The following LHFPL3 variants were observed in gnomAD, a reference collection of about 807,000 sequenced individuals.
The protein encoded by LHFPL3 is LHFPL tetraspan subfamily member 3 protein.
Under a neutral mutation model 19.3 loss-of-function variants are expected in LHFPL3, and 5 were observed. That is an observed-to-expected ratio of 0.26 (90% confidence interval 0.14 to 0.54). LHFPL3 has a LOEUF of 0.54. Among genes scored for constraint, LHFPL3 ranks in the 20% least tolerant of loss-of-function variants. The pLI, the probability that LHFPL3 is intolerant of heterozygous loss-of-function variation, is 0.94. For synonymous variants in LHFPL3, 133 were observed against 126.2 expected (o/e 1.05, Z -0.36); for missense variants, 249 against 307.4 (o/e 0.81, Z 1.42).
intron 1 of LHFPL3, among the ~76,000 whole-genome samples, chr7:104,495,094 T>C (rs1404720036): frequency 6.6e-6 from 1 of 152,218 alleles, no homozygotes; most frequent in Non-Finnish European, 1.5e-5. Context: ...TCTCTACTTC[T>C]TTCTCTCCTA....
At position 104,604,469 on chromosome 7, in the gene LHFPL3, C is replaced by G. The variant is rs568714484; in HGVS notation, c.446-132206C>G. Among the ~76,000 whole-genome samples the G allele has an allele frequency of 7.9e-5, 12 of 152,332 alleles. No homozygotes were observed. In the East Asian group the frequency reaches 1.9e-3, roughly 24 times the overall value. ...TCCCATTGTCCTGTAGCACCTGGCT[C>G]CCTTCTGCTCATCTCCTTAGCGGAT... On this transcript the variant is annotated intron_variant, in intron 1 of 2. Coordinates refer to ENST00000424859, the MANE Select transcript of LHFPL3 (RefSeq NM_199000.3).
chr7:104,724,075 G>A (rs75809507), intron 1 of LHFPL3, among the ~76,000 whole-genome samples: 5,306 of 152,236 alleles, frequency 0.035, 309 homozygotes, highest in African/African-American at 0.12. Flanking sequence ...GTTGACTGAG[G>A]CATTAGCCTA....
intron 1 of LHFPL3, among the ~76,000 whole-genome samples, chr7:104,614,589 C>CTCTCT (rs148097671): frequency 3.9e-4 from 25 of 63,920 alleles, no homozygotes; most frequent in East Asian, 1.2e-3. Context: ...CTTCTCTTCT[C>CTCTCT]TCTCTTCTCT....
chr7:104,863,981 G>A (rs906570706), intron 2 of LHFPL3, among the ~76,000 whole-genome samples: 2 of 152,314 alleles, frequency 1.3e-5, no homozygotes, highest in East Asian at 1.9e-4. Flanking sequence ...TGATGTATAC[G>A]TCCATCAAAT....
chr7:104,845,399 G>A (rs1184261199), intron 2 of LHFPL3: 6 of 1,535,304 alleles, frequency 3.9e-6, no homozygotes, highest in Non-Finnish European at 4.4e-6. Flanking sequence ...AAATGCTTAA[G>A]GCAAACTAAG....
intron 2 of LHFPL3, among the ~76,000 whole-genome samples, chr7:104,904,694 C>T (rs1028019626): frequency 6.6e-6 from 1 of 151,984 alleles, no homozygotes; most frequent in African/African-American, 2.4e-5. Context: ...AAATAAAGTG[C>T]TCTGTGATGT....
chr7:104,571,964 G>T (rs936150989), intron 1 of LHFPL3, among the ~76,000 whole-genome samples: 1 of 152,124 alleles, frequency 6.6e-6, no homozygotes, highest in African/African-American at 2.4e-5. Flanking sequence ...AAAACCTTCT[G>T]AAATCTTCCC....
At chr7:104,635,719 G>T (rs989345598) in intron 1 of LHFPL3, among the ~76,000 whole-genome samples, 1 of 152,194 alleles carries the variant, frequency 6.6e-6, no homozygotes, top group African/African-American at 2.4e-5. Flanking sequence ...CAAGAGAAAG[G>T]AAGGCAAGTG....
chr7:104,726,184 A>G (rs1450210095), intron 1 of LHFPL3, among the ~76,000 whole-genome samples: 1 of 151,900 alleles, frequency 6.6e-6, no homozygotes, highest in East Asian at 1.9e-4. Context: ...TGTGATATTG[A>G]CCTCCATGAA....
intron 1 of LHFPL3, among the ~76,000 whole-genome samples, chr7:104,362,007 G>A (rs1254717433): frequency 3.3e-5 from 5 of 152,240 alleles, no homozygotes; most frequent in Non-Finnish European, 5.9e-5. Context: ...CCAGGAACTA[G>A]GGGATGTGAA....
At chr7:104,583,732 G>C (rs557295947) in intron 1 of LHFPL3, among the ~76,000 whole-genome samples, 1 of 152,170 alleles carries the variant, frequency 6.6e-6, no homozygotes, top group East Asian at 1.9e-4. Flanking sequence ...GGCCATCAGA[G>C]AAATGCAAAT....
At chr7:104,436,528 G>T (rs929883042) in intron 1 of LHFPL3, among the ~76,000 whole-genome samples, 1 of 152,126 alleles carries the variant, frequency 6.6e-6, no homozygotes, top group African/African-American at 2.4e-5. Context: ...CAGTATGATT[G>T]AATATGCTTC....
At chr7:104,744,760 C>T (rs1794008284) in intron 2 of LHFPL3, among the ~76,000 whole-genome samples, 1 of 152,118 alleles carries the variant, frequency 6.6e-6, no homozygotes, top group Admixed American at 6.5e-5. Context: ...ACTACTGACC[C>T]CATCTTGAAA....
chr7:104,392,538 A>C (rs1369083394), intron 1 of LHFPL3, among the ~76,000 whole-genome samples: 4 of 152,108 alleles, frequency 2.6e-5, no homozygotes, highest in African/African-American at 9.7e-5. Context: ...GATGAAGCCC[A>C]CTTGATCATG....
intron 1 of LHFPL3, among the ~76,000 whole-genome samples, chr7:104,681,710 A>T (rs1261235600): frequency 1.3e-5 from 2 of 152,138 alleles, no homozygotes; most frequent in Non-Finnish European, 2.9e-5. Context: ...TTTTACAAAG[A>T]AGGGTATTGA....
chr7:104,737,207 G>A (rs1042316910), intron 2 of LHFPL3, among the ~76,000 whole-genome samples: 1 of 151,858 alleles, frequency 6.6e-6, no homozygotes, highest in African/African-American at 2.4e-5. Context: ...TTTGCCATCA[G>A]AACTTAATGG....
At chr7:104,447,365 T>TA (rs943966701) in intron 1 of LHFPL3, among the ~76,000 whole-genome samples, 4 of 151,866 alleles carry the variant, frequency 2.6e-5, no homozygotes, top group Admixed American at 6.6e-5. Flanking sequence ...ATATTGAATT[T>TA]AAAAAAAATA....
At chr7:104,422,527 T>C (rs1791754489) in intron 1 of LHFPL3, among the ~76,000 whole-genome samples, 1 of 152,260 alleles carries the variant, frequency 6.6e-6, no homozygotes, top group Non-Finnish European at 1.5e-5. Context: ...GTGTGGATTA[T>C]AGAAATTGAT....
At chr7:104,694,296 G>A (rs575200028) in intron 1 of LHFPL3, among the ~76,000 whole-genome samples, 9 of 152,220 alleles carry the variant, frequency 5.9e-5, no homozygotes, top group African/African-American at 2.2e-4. Flanking sequence ...AAATTTCCTA[G>A]GGGGACAATT....
Sources: allele counts gnomAD v4.1 joint callset (sites outside exome capture counted in the v4.1 genomes callset), GRCh38; gene constraint gnomAD v4.1.1; transcripts MANE v1.5; gene names NCBI Gene and HGNC (gene_info 2026-07-23, HGNC 2026-07-21).